Variants in TTC7B observed in about 807,000 individuals in gnomAD.
TTC7B encodes the protein tetratricopeptide repeat domain 7B.
A neutral mutation model predicts 106.8 loss-of-function variants in TTC7B; 28 were observed. The observed-to-expected ratio is 0.26, with a 90% CI of 0.19 to 0.36. The LOEUF is 0.36. Among genes scored for constraint, TTC7B ranks in the 10% least tolerant of loss-of-function variants. TTC7B has a pLI of 1.00. For missense variants in TTC7B, 862 were observed against 1,076.4 expected (o/e 0.80, Z 2.79); for synonymous variants, 405 against 430.6 (o/e 0.94, Z 0.74).
At chr14:90,747,182 C>T (rs1298449741) in intron 3 of TTC7B, among the ~76,000 whole-genome samples, 2 of 152,158 alleles carry the variant, frequency 1.3e-5, no homozygotes, top group Non-Finnish European at 2.9e-5. Context: ...TGACTGACCC[C>T]TAACAAAATC....
intron 15 of TTC7B, among the ~76,000 whole-genome samples, chr14:90,640,287 G>GAA (rs1885119493): frequency 7.3e-6 from 1 of 137,708 alleles, no homozygotes; most frequent in Non-Finnish European, 1.6e-5. Flanking sequence ...AAAAAAAAAA[G>GAA]AGAGAGAGAA....
chr14:90,773,827 A>C (rs1347538498), intron 3 of TTC7B, among the ~76,000 whole-genome samples: 1 of 152,054 alleles, frequency 6.6e-6, no homozygotes, highest in Non-Finnish European at 1.5e-5. Context: ...CTCTTCCCCC[A>C]AAAAGCCCCA....
intron 18 of TTC7B, among the ~76,000 whole-genome samples, chr14:90,589,472 T>C (rs1891863955): frequency 6.6e-6 from 1 of 152,262 alleles, no homozygotes; most frequent in Non-Finnish European, 1.5e-5. Flanking sequence ...AAATGCTATT[T>C]AAATAGTTCT....
chr14:90,610,899 A>G, intron 16 of TTC7B, 60 bp from the exon 17 acceptor site: 1 of 1,188,418 alleles, frequency 8.4e-7, no homozygotes, highest in Non-Finnish European at 1.3e-6. Context: ...AAGGAAAGAG[A>G]GGCAACCAAT....
At position 90,784,374 on chromosome 14, in the gene TTC7B, G is replaced by A. The variant is rs992860056; in HGVS notation, c.276+1800C>T. On this transcript the variant is annotated intron_variant, in intron 2 of 19. Transcript: ENST00000328459. ...AGATTGAGACCATCCTGGCTAACAC[G>A]GTGAAACCCTGTCTCTACTAAAAAT... Among the ~76,000 whole-genome samples, 11 of 152,264 alleles carry A rather than the reference G, an allele frequency of 7.2e-5. No homozygotes were observed. In the East Asian group the frequency reaches 1.9e-3, roughly 27 times the overall value.
chr14:90,754,767 A>ACC (rs1890237011), intron 3 of TTC7B, among the ~76,000 whole-genome samples: 1 of 151,736 alleles, frequency 6.6e-6, no homozygotes, highest in South Asian at 2.1e-4. Context: ...GGAACCGCCA[A>ACC]TCTGCTTTCT....
At chr14:90,756,546 A>G (rs1890309269) in intron 3 of TTC7B, among the ~76,000 whole-genome samples, 1 of 151,862 alleles carries the variant, frequency 6.6e-6, no homozygotes, top group African/African-American at 2.4e-5. Context: ...GGCGTGCGCC[A>G]CCACACCCAG....
In TTC7B at chr14:90,657,238, A is replaced by T; in HGVS notation, c.1277T>A (p.Leu426Gln). ...AGGGATGGTGGCATCGTCTGGCTTC[A>T]GGCGGATACACTCTTTCAGCACCTT... is the stretch of plus-strand genomic sequence containing the variant. ...AVKVLKECIRLKPDDATIPLL... is the reference protein window; with the variant it reads ...AVKVLKECIRQKPDDATIPLL... The change falls in exon 11 of 20, where the codon CTG becomes CAG. Residue 426 changes from leucine to glutamine, a missense_variant. Leu to Gln is a moderately radical substitution (Grantham distance 113, BLOSUM62 -2). Coordinates refer to ENST00000328459, the MANE Select transcript of TTC7B (RefSeq NM_001010854.2). The surrounding 1 kb of genome is among the most constrained non-coding windows in gnomAD (Gnocchi z 4.2). 2 of 1,614,102 alleles carry T rather than the reference A, an allele frequency of 1.2e-6. No homozygotes were observed. Among genetic ancestry groups the T allele is most frequent in the Non-Finnish European group, 1.7e-6 (2 of 1,180,010 alleles).
rs758861719 is a variant in TTC7B, at chr14:90,658,315, C to T, written c.1225G>A (p.Ala409Thr). Reference sequence around the variant, plus strand: ...CAAAAGGGACTCACTTTTCCAGCAGCCATCAGGGACAGAGCAAACTGGTAC... The same window carrying T: ...CAAAAGGGACTCACTTTTCCAGCAGTCATCAGGGACAGAGCAAACTGGTAC... ...LWYQFALSLM[A>T]AGKSARAVKV... Residue 409 changes from alanine (A) to threonine (T), a missense_variant, in exon 10 of 20, where the codon GCT (alanine) becomes ACT (threonine). Transcript: ENST00000328459. The T allele has an allele frequency of 6.2e-7, 1 of 1,613,996 alleles. No individual in the cohort carries two copies. The highest frequency in any genetic ancestry group is 1.7e-4 in the Middle Eastern group (1 of 6,058).
At chr14:90,701,797 T>TATATATATATA (rs1491435639) in intron 5 of TTC7B, among the ~76,000 whole-genome samples, 1 of 27,248 alleles carries the variant, frequency 3.7e-5, no homozygotes, top group East Asian at 7.9e-4. Flanking sequence ...TGTGTGTGTG[T>TATATATATATA]ATATATATAT....
At chr14:90,670,205 TG>T in intron 9 of TTC7B, among the ~76,000 whole-genome samples, 1 of 152,362 alleles carries the variant, frequency 6.6e-6, no homozygotes, top group African/African-American at 2.4e-5. Flanking sequence ...TGTTATAACA[TG>T]GCTGAATCTT....
intron 6 of TTC7B, among the ~76,000 whole-genome samples, chr14:90,692,319 A>AC (rs1224483685): frequency 4.7e-4 from 71 of 152,326 alleles, no homozygotes; most frequent in African/African-American, 1.6e-3. Context: ...TATTTGGAGT[A>AC]TATACCTAAG....
chr14:90,721,367 G>A (rs755167414), intron 5 of TTC7B, among the ~76,000 whole-genome samples: 2 of 152,074 alleles, frequency 1.3e-5, no homozygotes, highest in African/African-American at 2.4e-5. Context: ...GAGGGGTTTC[G>A]GAATTTCATA....
At chr14:90,655,194 G>A in intron 11 of TTC7B, 84 bp from the exon 12 acceptor site, 1 of 941,002 alleles carries the variant, frequency 1.1e-6, no homozygotes, top group Non-Finnish European at 1.7e-6. Flanking sequence ...GCCAAAATTG[G>A]ATTTCTGATG....
intron 9 of TTC7B, among the ~76,000 whole-genome samples, chr14:90,673,083 T>C (rs1264575237): frequency 6.6e-6 from 1 of 152,162 alleles, no homozygotes; most frequent in Non-Finnish European, 1.5e-5. Context: ...TGACACACTA[T>C]GTTGATGACC....
chr14:90,580,261 G>A (rs1891434282), intron 18 of TTC7B, among the ~76,000 whole-genome samples: 1 of 152,236 alleles, frequency 6.6e-6, no homozygotes, highest in South Asian at 2.1e-4. Flanking sequence ...AACAGCAGTA[G>A]CTGACACTTA....
intron 6 of TTC7B, among the ~76,000 whole-genome samples, chr14:90,690,412 C>G (rs1281168471): frequency 2.6e-5 from 4 of 152,196 alleles, no homozygotes; most frequent in Non-Finnish European, 5.9e-5. Context: ...GGATCCTGTC[C>G]TCCAAGTTAG....
intron 3 of TTC7B, among the ~76,000 whole-genome samples, chr14:90,758,455 G>T (rs1288399958): frequency 4.2e-5 from 6 of 143,242 alleles, no homozygotes; most frequent in Non-Finnish European, 4.7e-5. Context: ...GCGAGGGGAG[G>T]GGAGATGGGC....
Position 90,524,999 on chromosome 14 carries a change from T to C in TTC7B, c.*16369A>G, listed in dbSNP as rs1889113864. The stretch of plus-strand genomic sequence containing the variant: ...ACAGTTCAATATGTCTTGACATTTG[T>C]ATCTATCCATGAAGCCATCGCCACT... On this transcript the variant is annotated 3_prime_UTR_variant, in exon 20 of 20. Coordinates refer to ENST00000328459, the MANE Select transcript of TTC7B (RefSeq NM_001010854.2). 1 of 152,160 alleles carries C rather than the reference T, an allele frequency of 6.6e-6. No homozygotes were observed. Among genetic ancestry groups the C allele is most frequent in the South Asian group, 2.1e-4 (1 of 4,830 alleles). The allele number at this position is 152,160 out of a possible 1,614,324, so 9.4% of individuals were successfully genotyped here. A position where few individuals can be genotyped will look rare whatever the true frequency, so the allele number is the denominator to read the frequency against.
Sources: allele counts gnomAD v4.1 joint callset (sites outside exome capture counted in the v4.1 genomes callset), GRCh38; gene constraint gnomAD v4.1.1; non-coding constraint Gnocchi (gnomAD v3.1); transcripts MANE v1.5; gene names NCBI Gene and HGNC (gene_info 2026-07-23, HGNC 2026-07-21).